ZNF713: variants seen among roughly 807,000 people sequenced by gnomAD.
ZNF713 encodes the protein zinc finger protein 713.
A neutral mutation model predicts 28.7 loss-of-function variants in ZNF713; 21 were observed. The ratio of observed to expected loss-of-function variants is 0.73; its 90% CI spans 0.52 to 1.05. ZNF713 has a LOEUF of 1.05. Among genes scored for constraint, ZNF713 ranks in the 50% least tolerant of loss-of-function variants. ZNF713 has a pLI of 0.00. For missense variants in ZNF713, 458 were observed against 532.4 expected, an observed-to-expected ratio of 0.86 and a Z score of 1.37; for synonymous variants, 167 against 178.0, an observed-to-expected ratio of 0.94 and a Z score of 0.49.
Position 55,892,833 on chromosome 7 carries a change from T to C in ZNF713, c.-583+5153T>C, listed in dbSNP as rs1254578100. Among the ~76,000 whole-genome samples the C allele has an allele frequency of 4.1e-5, 6 of 146,948 alleles. No individual in the cohort carries two copies. In the Admixed American group the frequency reaches 4.1e-4, roughly 10 times the overall value. ...TTGCAGTGAACCGAGATCATGCCAT[T>C]GCACTCCATTCTGGGCAACAAGAGT... On this transcript the variant is annotated intron_variant, in intron 1 of 6. Coordinates refer to ENST00000429591, the MANE Select transcript of ZNF713 (RefSeq NM_182633.3).
At chr7:55,938,273 G>A (rs1196991438) in intron 6 of ZNF713, among the ~76,000 whole-genome samples, 7 of 152,090 alleles carry the variant, frequency 4.6e-5, no homozygotes, top group African/African-American at 1.7e-4. Flanking sequence ...AGAAGCAGAG[G>A]AAGAATACCT....
At chr7:55,928,921 C>G (rs1376090486) in intron 6 of ZNF713, among the ~76,000 whole-genome samples, 2 of 147,672 alleles carry the variant, frequency 1.4e-5, no homozygotes, top group African/African-American at 5.0e-5. Flanking sequence ...TACTTGAGTC[C>G]AGGAGTTTGA....
intron 1 of ZNF713, among the ~76,000 whole-genome samples, 198 bp downstream of exon 1, chr7:55,887,878 GGC>G (rs1228583146): frequency 0.045 from 1,098 of 24,158 alleles, 352 homozygotes; most frequent in African/African-American, 0.28. Flanking sequence ...CGGCGGCGGC[GGC>G]GGCGGCGGGC....
chr7:55,923,321 G>T, intron 5 of ZNF713, 33 bp downstream of exon 5: 1 of 1,581,566 alleles, frequency 6.3e-7, no homozygotes, highest in Non-Finnish European at 8.6e-7. Context: ...ACCGGAAGCC[G>T]TTCACGTGGG....
At chr7:55,926,818 G>A (rs925962408) in intron 6 of ZNF713, among the ~76,000 whole-genome samples, 3 of 152,150 alleles carry the variant, frequency 2.0e-5, no homozygotes, top group Non-Finnish European at 2.9e-5. Context: ...GCTAGCAAGT[G>A]TGTAATATTC....
In ZNF713 at chr7:55,887,633, G is replaced by GGCGTCAGGGGGCGGAGCCTGCCGAA; in HGVS notation, c.-627_-626insTCAGGGGGCGGAGCCTGCCGAAGCG. On this transcript the variant is annotated 5_prime_UTR_variant, in exon 1 of 7. Coordinates refer to ENST00000429591, the MANE Select transcript of ZNF713 (RefSeq NM_182633.3). ...CGGCGGCGGCGGCGGCGGCGGCGGC[G>GGCGTCAGGGGGCGGAGCCTGCCGAA]GCGGCGTCAGGGGGCGGAGCCTGCC... 5.5e-6 allele frequency: 1 copy of GGCGTCAGGGGGCGGAGCCTGCCGAA among 183,012 alleles called. No individual in the cohort carries two copies. The highest frequency in any genetic ancestry group is 6.7e-5 in the Admixed American group (1 of 14,924). 11.3% of individuals were successfully genotyped at this position (183,012 alleles called of 1,614,324 possible). A position where few individuals can be genotyped will look rare whatever the true frequency, so the allele number is the denominator to read the frequency against.
chr7:55,916,731 C>T (rs1010875080), intron 4 of ZNF713, among the ~76,000 whole-genome samples: 1 of 152,170 alleles, frequency 6.6e-6, no homozygotes, highest in Non-Finnish European at 1.5e-5. Flanking sequence ...GGGAAACCAT[C>T]TGGAAAAAGA....
Position 55,941,854 on chromosome 7 carries a change from C to T in ZNF713, c.*1848C>T, listed in dbSNP as rs758929702. 2.0e-5 allele frequency: 3 copies of T among 152,178 alleles called. No individual in the cohort carries two copies. The highest frequency in any genetic ancestry group is 2.9e-5 in the Non-Finnish European group (2 of 68,002). The allele number at this position is 152,178 out of a possible 1,614,324, so 9.4% of individuals were successfully genotyped here. On this transcript the variant is annotated 3_prime_UTR_variant, in exon 7 of 7. Transcript: ENST00000429591. ...GTGATGATTCTTTTTGCAATCTTGA[C>T]ATTATTTTCATCAAATGAATCCTAG...
intron 3 of ZNF713, 103 bp from the exon 4 acceptor site, chr7:55,912,532 G>A: frequency 1.3e-6 from 1 of 759,060 alleles, no homozygotes; most frequent in Non-Finnish European, 2.2e-6. Flanking sequence ...ATGTCTTAGA[G>A]GGCTTCTCAG....
chr7:55,925,899 A>G (rs1163886169), intron 6 of ZNF713, among the ~76,000 whole-genome samples: 6 of 152,326 alleles, frequency 3.9e-5, no homozygotes, highest in South Asian at 4.1e-4. Flanking sequence ...GACCTACAGC[A>G]GAGAGCAGAG....
intron 1 of ZNF713, among the ~76,000 whole-genome samples, chr7:55,892,765 G>C (rs111284263): frequency 0.045 from 6,846 of 150,764 alleles, 477 homozygotes; most frequent in African/African-American, 0.15. Context: ...CCAGCTACTC[G>C]GGAGGCTGAA....
chr7:55,918,599 G>C (rs1401888751), intron 4 of ZNF713, among the ~76,000 whole-genome samples: 1 of 152,106 alleles, frequency 6.6e-6, no homozygotes, highest in Admixed American at 6.6e-5. Context: ...AAAACTAAAG[G>C]GCCTTTGTCA....
intron 2 of ZNF713, among the ~76,000 whole-genome samples, chr7:55,906,696 T>C: frequency 6.6e-6 from 1 of 152,242 alleles, no homozygotes; most frequent in East Asian, 1.9e-4. Flanking sequence ...TTTTGGGAAT[T>C]GGGGCTTGGT....
intron 6 of ZNF713, among the ~76,000 whole-genome samples, chr7:55,932,642 TG>T (rs749059728): frequency 1.9e-4 from 28 of 151,338 alleles, no homozygotes; most frequent in Admixed American, 3.3e-4. Context: ...CCCAGCACTT[TG>T]GGAGGCCGAG....
chr7:55,896,138 AACCAAG>A (rs1204204156), intron 1 of ZNF713, among the ~76,000 whole-genome samples: 1 of 152,208 alleles, frequency 6.6e-6, no homozygotes, highest in African/African-American at 2.4e-5. Context: ...CGAGCAGTGA[AACCAAG>A]ACAATGAGAG....
chr7:55,920,402 G>C (rs1204741845), intron 4 of ZNF713, among the ~76,000 whole-genome samples: 1 of 152,230 alleles, frequency 6.6e-6, no homozygotes, highest in African/African-American at 2.4e-5. Flanking sequence ...CAAAACAGCT[G>C]TGTTGCAGAT....
chr7:55,930,955 C>T (rs1786197893), intron 6 of ZNF713, among the ~76,000 whole-genome samples: 1 of 152,134 alleles, frequency 6.6e-6, no homozygotes, highest in Non-Finnish European at 1.5e-5. Context: ...TTAAAAAATG[C>T]ATTTTTCTTG....
intron 6 of ZNF713, among the ~76,000 whole-genome samples, chr7:55,930,823 G>A (rs553491408): frequency 6.6e-6 from 1 of 152,240 alleles, no homozygotes; most frequent in African/African-American, 2.4e-5. Context: ...GCAGAGCTGA[G>A]TGCGACAGAG....
intron 1 of ZNF713, among the ~76,000 whole-genome samples, chr7:55,894,791 A>G (rs752611457): frequency 6.6e-6 from 1 of 152,222 alleles, no homozygotes; most frequent in Admixed American, 6.5e-5. Context: ...GCAAAGGAAT[A>G]TATTATGAAT....
Sources: allele counts gnomAD v4.1 joint callset (sites outside exome capture counted in the v4.1 genomes callset), GRCh38; gene constraint gnomAD v4.1.1; transcripts MANE v1.5; gene names NCBI Gene and HGNC (gene_info 2026-07-23, HGNC 2026-07-21).